The following WWOX variants were observed in gnomAD, a reference collection of about 807,000 sequenced individuals.
The protein encoded by WWOX is WW domain-containing oxidoreductase.
Under a neutral mutation model 46.2 loss-of-function variants are expected in WWOX, and 69 were observed. That is an observed-to-expected ratio of 1.49 (90% CI 1.23 to 1.82). The LOEUF is 1.82. Among genes scored for constraint, WWOX ranks in the 40% most tolerant of loss-of-function variants. WWOX has a pLI of 0.00. For synonymous variants in WWOX, 359 were observed against 202.6 expected (o/e 1.77, Z -6.56); for missense variants, 919 against 542.6 (o/e 1.69, Z -6.89).
At chr16:78,467,241 T>C (rs1363747167) in intron 8 of WWOX, among the ~76,000 whole-genome samples, 1 of 152,218 alleles carries the variant, frequency 6.6e-6, no homozygotes, top group Non-Finnish European at 1.5e-5. Context: ...GAGGGCTTTT[T>C]TCTGATCACC....
intron 8 of WWOX, among the ~76,000 whole-genome samples, chr16:78,870,258 G>T (rs954868635): frequency 1.2e-4 from 18 of 152,174 alleles, no homozygotes; most frequent in Admixed American, 6.5e-5. Context: ...TTTGCTTGAT[G>T]ACAATGACCC....
intron 8 of WWOX, among the ~76,000 whole-genome samples, chr16:79,153,580 A>C (rs369821454): frequency 2.0e-5 from 3 of 152,304 alleles, no homozygotes; most frequent in East Asian, 1.9e-4. Flanking sequence ...TAATACCTGC[A>C]CACAATCAGT....
chr16:78,704,298 T>G lies in WWOX; in HGVS notation c.1056+271546T>G, dbSNP rs141797464. On this transcript the variant is annotated intron_variant, in intron 8 of 8. Coordinates refer to ENST00000566780, the MANE Select transcript of WWOX (RefSeq NM_016373.4). The stretch of plus-strand genomic sequence containing the variant: ...GGGTATCTCCAAAATTTCCTCATCT[T>G]GACTACGTTCTGGTGAAACTTAAGA... Among the ~76,000 whole-genome samples the G allele has an allele frequency of 1.3e-4, 20 of 152,328 alleles. No individual in the cohort carries two copies. In the East Asian group the frequency reaches 3.5e-3, roughly 26 times the overall value.
chr16:78,919,480 T>G (rs2045326961), intron 8 of WWOX, among the ~76,000 whole-genome samples: 1 of 151,880 alleles, frequency 6.6e-6, no homozygotes, highest in Admixed American at 6.6e-5. Context: ...ATCAGTCCCC[T>G]TAAGTGGCTT....
intron 8 of WWOX, among the ~76,000 whole-genome samples, chr16:78,684,197 A>G (rs538766824): frequency 6.6e-6 from 1 of 152,172 alleles, no homozygotes; most frequent in Non-Finnish European, 1.5e-5. Context: ...CACTGGCATG[A>G]GTCATCTTTC....
At chr16:78,952,635 C>G (rs1187109887) in intron 8 of WWOX, among the ~76,000 whole-genome samples, 4 of 152,156 alleles carry the variant, frequency 2.6e-5, no homozygotes, top group Admixed American at 1.3e-4. Context: ...CTGTCCACCT[C>G]TGCTTCCCAA....
chr16:79,032,922 C>A (rs933687905), intron 8 of WWOX, among the ~76,000 whole-genome samples: 2 of 151,318 alleles, frequency 1.3e-5, no homozygotes, highest in Non-Finnish European at 2.9e-5. Flanking sequence ...CTCCTGCCAC[C>A]CTCCACCCTT....
intron 6 of WWOX, among the ~76,000 whole-genome samples, chr16:78,418,484 C>G (rs1163097562): frequency 1.3e-5 from 2 of 152,008 alleles, no homozygotes; most frequent in East Asian, 3.9e-4. Context: ...ACAACAGAGG[C>G]AGACAAAGAT....
At chr16:78,641,267 G>A (rs905024632) in intron 8 of WWOX, among the ~76,000 whole-genome samples, 1 of 151,846 alleles carries the variant, frequency 6.6e-6, no homozygotes, top group Non-Finnish European at 1.5e-5. Flanking sequence ...AGGCAGAGAA[G>A]CCCCCAGACC....
chr16:78,107,426 TG>T (rs2032218214), intron 1 of WWOX, among the ~76,000 whole-genome samples: 1 of 152,242 alleles, frequency 6.6e-6, no homozygotes, highest in African/African-American at 2.4e-5. Context: ...CAGAGCTTTT[TG>T]TATGCCAAGT....
chr16:78,259,976 G>A (rs1204648750), intron 5 of WWOX, among the ~76,000 whole-genome samples: 1 of 151,300 alleles, frequency 6.6e-6, no homozygotes, highest in African/African-American at 2.4e-5. Context: ...TTACAGAAAT[G>A]TAAACTAAGT....
intron 8 of WWOX, among the ~76,000 whole-genome samples, chr16:78,633,879 G>A (rs1400104484): frequency 6.6e-6 from 1 of 152,048 alleles, no homozygotes; most frequent in Non-Finnish European, 1.5e-5. Context: ...GGGAGCAGGG[G>A]AGGAACCATC....
At chr16:78,407,650 C>A (rs1011296944) in intron 6 of WWOX, among the ~76,000 whole-genome samples, 1 of 152,118 alleles carries the variant, frequency 6.6e-6, no homozygotes, top group Non-Finnish European at 1.5e-5. Flanking sequence ...TGTCTTGTCT[C>A]CACAGCATAA....
At chr16:78,840,864 C>A (rs188824421) in intron 8 of WWOX, among the ~76,000 whole-genome samples, 1 of 152,056 alleles carries the variant, frequency 6.6e-6, no homozygotes, top group African/African-American at 2.4e-5. Context: ...GGATGCCTGC[C>A]TTGTTGGTCC....
chr16:79,007,087 C>T lies in WWOX; in HGVS notation c.1057-204521C>T, dbSNP rs547778030. On this transcript the variant is annotated intron_variant, in intron 8 of 8. Transcript: ENST00000566780. Reference sequence around the variant, plus strand: ...CACAGGCACTTTGTCACAGGCCAGGCGCTATGCCAAGCAGAGAGGTCACAA... The same window carrying T: ...CACAGGCACTTTGTCACAGGCCAGGTGCTATGCCAAGCAGAGAGGTCACAA... Among the ~76,000 whole-genome samples the T allele has an allele frequency of 5.9e-5, 9 of 152,194 alleles. No homozygotes were observed. In the East Asian group the frequency reaches 7.7e-4, roughly 13 times the overall value.
At chr16:78,725,901 T>A (rs2142367366) in intron 8 of WWOX, among the ~76,000 whole-genome samples, 1 of 152,214 alleles carries the variant, frequency 6.6e-6, no homozygotes, top group African/African-American at 2.4e-5. Flanking sequence ...TCTCTCTGTC[T>A]CTACTCCTTT....
intron 8 of WWOX, among the ~76,000 whole-genome samples, chr16:78,987,695 AG>A (rs757862479): frequency 9.2e-5 from 14 of 152,188 alleles, no homozygotes; most frequent in Non-Finnish European, 1.9e-4. Context: ...TCAGAGGCAG[AG>A]TAACGTGAAT....
At chr16:78,222,646 A>G (rs2036926133) in intron 5 of WWOX, among the ~76,000 whole-genome samples, 1 of 152,210 alleles carries the variant, frequency 6.6e-6, no homozygotes, top group African/African-American at 2.4e-5. Context: ...CTTCGTATTT[A>G]TAGCCCTGGC....
At chr16:78,730,426 C>G (rs756777904) in intron 8 of WWOX, among the ~76,000 whole-genome samples, 4 of 151,960 alleles carry the variant, frequency 2.6e-5, no homozygotes, top group Non-Finnish European at 5.9e-5. Flanking sequence ...TAGGACTCAT[C>G]ATTCACATGA....
Sources: gnomAD v4.1 joint callset for allele counts (sites outside exome capture counted in the v4.1 genomes callset) on GRCh38, gnomAD v4.1.1 for gene constraint, MANE v1.5 for transcripts, NCBI Gene and HGNC (gene_info 2026-07-23, HGNC 2026-07-21) for gene names.